GPD2: variants seen among roughly 807,000 people sequenced by gnomAD.
GPD2 encodes the protein glycerol-3-phosphate dehydrogenase, mitochondrial.
In GPD2, 54 loss-of-function variants were observed where a neutral mutation model predicts 82.4. The observed-to-expected ratio is 0.66, with a 90% CI of 0.53 to 0.82. The LOEUF is 0.82. Ranked by LOEUF, GPD2 falls within the 40% of genes least tolerant of loss-of-function variation. The pLI, the probability that GPD2 is intolerant of heterozygous loss-of-function variation, is 0.00. For synonymous variants in GPD2, 288 were observed against 306.1 expected (o/e 0.94, Z 0.62); for missense variants, 748 against 896.2 (o/e 0.83, Z 2.11).
intron 1 of GPD2, among the ~76,000 whole-genome samples, chr2:156,475,087 G>C (rs1332724854): frequency 6.6e-6 from 1 of 152,068 alleles, no homozygotes; most frequent in Non-Finnish European, 1.5e-5. Context: ...TCTGGCCTGG[G>C]TGACAGAGCC....
In GPD2 at chr2:156,520,035, G is replaced by A. The variant is rs1685341362; in HGVS notation, c.661+6539G>A. ...GGTGAATGCAGAGGTTTTATTGAGT[G>A]GTGGAGGTGGCCCTCAGTGGGATGG... On this transcript the variant is annotated intron_variant, in intron 6 of 16. Coordinates refer to ENST00000438166, the MANE Select transcript of GPD2 (RefSeq NM_000408.5). Among the ~76,000 whole-genome samples the A allele has an allele frequency of 2.0e-5, 3 of 152,164 alleles. No individual in the cohort carries two copies. The South Asian group carries it at 6.2e-4, about 32-fold the overall frequency.
intron 12 of GPD2, 30 bp from the exon 13 acceptor site, chr2:156,571,104 A>G: frequency 4.3e-6 from 6 of 1,404,732 alleles, no homozygotes; most frequent in Non-Finnish European, 6.1e-6. Flanking sequence ...AAGAGTCTCA[A>G]CTAATAATTT....
chr2:156,493,241 C>T (rs761071454), intron 2 of GPD2, among the ~76,000 whole-genome samples: 2 of 152,032 alleles, frequency 1.3e-5, no homozygotes, highest in Non-Finnish European at 2.9e-5. Context: ...AGTGAACAAT[C>T]ATTTGTGCAT....
intron 2 of GPD2, 75 bp downstream of exon 2, chr2:156,476,282 C>T: frequency 1.2e-6 from 1 of 831,318 alleles, no homozygotes; most frequent in Non-Finnish European, 2.1e-6. Context: ...GGAATGTGTG[C>T]ACTAACGGTT....
intron 4 of GPD2, among the ~76,000 whole-genome samples, chr2:156,511,296 A>G (rs1399862403): frequency 6.6e-6 from 1 of 152,222 alleles, no homozygotes; most frequent in Non-Finnish European, 1.5e-5. Context: ...CCTCTTAACT[A>G]CAACTGCAGT....
At chr2:156,462,619 T>A (rs1205797333) in intron 1 of GPD2, among the ~76,000 whole-genome samples, 3 of 152,084 alleles carry the variant, frequency 2.0e-5, no homozygotes, top group Non-Finnish European at 2.9e-5. Context: ...CTTAACTCTA[T>A]GTAAGAGGCT....
intron 1 of GPD2, among the ~76,000 whole-genome samples, chr2:156,473,235 A>T (rs766556423): frequency 6.6e-6 from 1 of 152,196 alleles, no homozygotes; most frequent in Admixed American, 6.5e-5. Context: ...TATAGTTGAT[A>T]TTATTGCTAA....
chr2:156,460,029 C>T lies in GPD2; in HGVS notation c.-8-16069C>T, dbSNP rs146004885. ...TTAGAAATGCCACTTAGTCACTTGC[C>T]TCCTGACTGCTTCATGGTAGGAACA... On this transcript the variant is annotated intron_variant, in intron 1 of 16. Coordinates refer to ENST00000438166, the MANE Select transcript of GPD2 (RefSeq NM_000408.5). Among the ~76,000 whole-genome samples, 892 of 152,286 alleles carry T rather than the reference C, an allele frequency of 5.9e-3. 3 individuals carry two copies. The highest frequency in any genetic ancestry group is 9.3e-3 in the Non-Finnish European group (635 of 68,014).
chr2:156,512,116 T>G (rs542361341), intron 4 of GPD2, 104 bp from the exon 5 acceptor site: 1 of 748,074 alleles, frequency 1.3e-6, no homozygotes, highest in Non-Finnish European at 2.5e-6. Context: ...CACTCAGAGA[T>G]AGAAGGTTTC....
intron 2 of GPD2, among the ~76,000 whole-genome samples, chr2:156,477,745 TG>T (rs1683564194): frequency 6.6e-6 from 1 of 152,216 alleles, no homozygotes; most frequent in African/African-American, 2.4e-5. Context: ...TTCACTGACT[TG>T]GTATTGAAAC....
intron 10 of GPD2, 31 bp downstream of exon 10, chr2:156,568,990 CTTTT>C (rs36082652): frequency 4.6e-4 from 573 of 1,251,834 alleles, no homozygotes; most frequent in Non-Finnish European, 5.3e-4. Context: ...ATTTTCTTTT[CTTTT>C]TTTTTTTTTT....
At chr2:156,513,592 A>G in intron 6 of GPD2, 96 bp downstream of exon 6, 1 of 953,778 alleles carries the variant, frequency 1.0e-6, no homozygotes, top group Non-Finnish European at 1.7e-6. Context: ...TGCATCTTTA[A>G]ATACTAATCT....
At chr2:156,478,012 T>A (rs535215146) in intron 2 of GPD2, among the ~76,000 whole-genome samples, 2 of 152,288 alleles carry the variant, frequency 1.3e-5, no homozygotes, top group Admixed American at 6.5e-5. Flanking sequence ...TTATATGTGG[T>A]TTATATCTTT....
chr2:156,549,766 C>T lies in GPD2; in HGVS notation c.820C>T (p.Leu274Phe). The change falls in exon 7 of 17, where the codon CTC (leucine) becomes TTC (phenylalanine). Residue 274 changes from leucine (L) to phenylalanine (F), a missense_variant. Coordinates refer to ENST00000438166, the MANE Select transcript of GPD2 (RefSeq NM_000408.5). The part of the protein sequence containing the change: ...RVSGARCKDV[L>F]TGQEFDVRAK... ...GAGCGGCGCACGGTGCAAGGATGTC[C>T]TCACAGGTATGCCAGGTATCTGGGA... 2 of 1,612,436 alleles carry T rather than the reference C, an allele frequency of 1.2e-6. No homozygotes were observed. The highest frequency in any genetic ancestry group is 2.2e-5 in the East Asian group (1 of 44,818).
At chr2:156,569,627 T>C (rs900678613) in intron 11 of GPD2, 89 bp downstream of exon 11, 10 of 970,250 alleles carry the variant, frequency 1.0e-5, no homozygotes, top group Middle Eastern at 2.4e-4. Flanking sequence ...GTCTCCCTGA[T>C]TGAGATTTCC....
At chr2:156,523,671 T>TAGATAGAG (rs1685498368) in intron 6 of GPD2, among the ~76,000 whole-genome samples, 5 of 34,664 alleles carry the variant, frequency 1.4e-4, no homozygotes, top group Admixed American at 2.3e-4. Flanking sequence ...ATTTCTTTTC[T>TAGATAGAG]AGATAGATAG....
chr2:156,400,938 C>A, the GPD2 span, among the ~76,000 whole-genome samples: 1 of 152,020 alleles, frequency 6.6e-6, no homozygotes, highest in Non-Finnish European at 1.5e-5. Flanking sequence ...ACATCTAGGC[C>A]GCCCAAAAAC....
At chr2:156,542,117 T>C (rs1479605473) in intron 6 of GPD2, among the ~76,000 whole-genome samples, 3 of 152,228 alleles carry the variant, frequency 2.0e-5, no homozygotes, top group Admixed American at 6.5e-5. Flanking sequence ...AAATATATCA[T>C]GTTAAGGAAC....
intron 9 of GPD2, among the ~76,000 whole-genome samples, chr2:156,558,765 C>CTTTTTT (rs34524248): frequency 0.078 from 3,207 of 40,914 alleles, 591 homozygotes; most frequent in Middle Eastern, 0.13. Flanking sequence ...GCCCAGCTAA[C>CTTTTTT]TTTTTTTTTT....
Sources: allele counts gnomAD v4.1 joint callset (sites outside exome capture counted in the v4.1 genomes callset), GRCh38; gene constraint gnomAD v4.1.1; transcripts MANE v1.5; gene names NCBI Gene and HGNC (gene_info 2026-07-23, HGNC 2026-07-21).